Variants in KLF12 observed in about 807,000 individuals in gnomAD.
KLF12 encodes Krueppel-like factor 12.
KLF12 carries 9 observed loss-of-function variants against 37.8 expected under a neutral mutation model. The observed-to-expected ratio is 0.24, with a 90% CI of 0.14 to 0.42. The LOEUF is 0.42. Ranked by LOEUF, KLF12 falls within the 10% of genes least tolerant of loss-of-function variation. The probability of loss-of-function intolerance (pLI) is 1.00; values close to 1 mark genes in which losing one functional copy is unlikely to be tolerated. For synonymous variants in KLF12, 208 were observed against 202.1 expected (o/e 1.03, Z -0.25); for missense variants, 411 against 516.0 (o/e 0.80, Z 1.97).
At chr13:73,770,957 A>C (rs1406709664) in intron 5 of KLF12, among the ~76,000 whole-genome samples, 2 of 152,200 alleles carry the variant, frequency 1.3e-5, no homozygotes, top group Non-Finnish European at 2.9e-5. Context: ...CACCAACAGA[A>C]TGAGGAATTC....
rs71115634 is a variant in KLF12, at chr13:74,068,558, C to CTT, written c.-32+65179_-32+65180dup. ...TGTTATGTTCAAATAAAATTTTTTT[C>CTT]TTTTTTTTTTTTTTTTGAGACTGAG... is the stretch of plus-strand genomic sequence containing the variant. On this transcript the variant is annotated intron_variant, in intron 1 of 7. Coordinates refer to ENST00000377669, the MANE Select transcript of KLF12 (RefSeq NM_007249.5). Among the ~76,000 whole-genome samples the CTT allele has an allele frequency of 4.6e-3, 618 of 135,130 alleles. 5 individuals are homozygous for CTT. The highest frequency in any genetic ancestry group is 6.5e-3 in the Admixed American group (87 of 13,366). The allele number at this position is 135,130 out of a possible 152,430, so 88.7% of individuals were successfully genotyped here. A position where few individuals can be genotyped will look rare whatever the true frequency, so the allele number is the denominator to read the frequency against.
chr13:74,044,351 C>T (rs1007470620), intron 1 of KLF12, among the ~76,000 whole-genome samples: 1 of 152,082 alleles, frequency 6.6e-6, no homozygotes, highest in Admixed American at 6.5e-5. Context: ...GTTTCTAATA[C>T]CATTTGTCAA....
chr13:73,994,179 G>T (rs1892044123), intron 2 of KLF12, among the ~76,000 whole-genome samples: 1 of 152,156 alleles, frequency 6.6e-6, no homozygotes, highest in African/African-American at 2.4e-5. Context: ...GGCAGAAAAA[G>T]ACATAGCAAG....
At chr13:74,095,902 C>T (rs1875956195) in intron 1 of KLF12, among the ~76,000 whole-genome samples, 1 of 152,150 alleles carries the variant, frequency 6.6e-6, no homozygotes, top group South Asian at 2.1e-4. Context: ...ATTTCAATAA[C>T]ATCAAGGACC....
rs541593650 is a variant in KLF12, at chr13:73,969,012, T to C, written c.34-24942A>G. Among the ~76,000 whole-genome samples the C allele has an allele frequency of 3.7e-3, 475 of 129,978 alleles. 5 individuals carry two copies. The highest frequency in any genetic ancestry group is 0.013 in the African/African-American group (446 of 34,312). The allele number at this position is 129,978 out of a possible 152,430, so 85.3% of individuals were successfully genotyped here. A position where few individuals can be genotyped will look rare whatever the true frequency, so the allele number is the denominator to read the frequency against. On this transcript the variant is annotated intron_variant, in intron 2 of 7. Coordinates refer to ENST00000377669, the MANE Select transcript of KLF12 (RefSeq NM_007249.5). ...ATTGCCTCCTCATCTCACATCTCTC[T>C]CCCTTACCCCATACTTTAAAAAAAA...
chr13:74,260,564 TA>T, the KLF12 span, among the ~76,000 whole-genome samples: 8 of 86,924 alleles, frequency 9.2e-5, no homozygotes, highest in African/African-American at 7.1e-4. Context: ...TAAAATAAAA[TA>T]AAATAAAATA....
intron 1 of KLF12, among the ~76,000 whole-genome samples, chr13:74,047,358 G>A (rs1390507592): frequency 6.6e-5 from 10 of 151,952 alleles, no homozygotes; most frequent in African/African-American, 2.2e-4. Context: ...TTGGGAGGCC[G>A]AGGCAGGCAG....
At chr13:73,864,351 A>C (rs1006593598) in intron 3 of KLF12, among the ~76,000 whole-genome samples, 3 of 152,146 alleles carry the variant, frequency 2.0e-5, no homozygotes, top group Non-Finnish European at 4.4e-5. Flanking sequence ...AGATTTAAGG[A>C]TTTAACAAAC....
rs8000317 is a variant in KLF12 at position 73,693,342 on chromosome 13, C to G, written c.*2148G>C. 6.6e-6 allele frequency: 1 copy of G among 152,140 alleles called. No individual in the cohort carries two copies. The highest frequency in any genetic ancestry group is 6.6e-5 in the Admixed American group (1 of 15,266). 9.4% of individuals were successfully genotyped at this position (152,140 alleles called of 1,614,324 possible). A position where few individuals can be genotyped will look rare whatever the true frequency, so the allele number is the denominator to read the frequency against. ...CTTTCCAGGTGCTAAAAAAAACCCA[C>G]TGGTTGATGAGTAGTAGACTGTGCA... On this transcript the variant is annotated 3_prime_UTR_variant, in exon 8 of 8. Transcript: ENST00000377669.
intron 2 of KLF12, among the ~76,000 whole-genome samples, chr13:73,964,531 A>G (rs942445490): frequency 6.6e-5 from 10 of 150,858 alleles, no homozygotes; most frequent in African/African-American, 2.4e-4. Flanking sequence ...GCACTTCGGG[A>G]GGCCAAGGCG....
intron 1 of KLF12, among the ~76,000 whole-genome samples, chr13:74,102,424 G>A (rs898617602): frequency 3.3e-5 from 5 of 151,430 alleles, no homozygotes; most frequent in African/African-American, 4.9e-5. Context: ...TTGGCTGGGC[G>A]CAGTGGCTCA....
chr13:73,848,111 C>T (rs959597400), intron 3 of KLF12, among the ~76,000 whole-genome samples: 1 of 152,136 alleles, frequency 6.6e-6, no homozygotes, highest in Non-Finnish European at 1.5e-5. Context: ...GTAAGTTTTT[C>T]TCCTTTTACC....
intron 1 of KLF12, among the ~76,000 whole-genome samples, chr13:74,098,323 A>G (rs953646517): frequency 6.6e-6 from 1 of 152,178 alleles, no homozygotes; most frequent in Non-Finnish European, 1.5e-5. Context: ...CTCCTGACAA[A>G]AGCCTGGTAC....
At chr13:74,238,069 T>A in the KLF12 span, among the ~76,000 whole-genome samples, 2 of 140,532 alleles carry the variant, frequency 1.4e-5, no homozygotes, top group Non-Finnish European at 3.0e-5. Context: ...TGATATTGGC[T>A]GTGGGTTTGT....
At chr13:73,994,327 TAG>T (rs936962409) in intron 2 of KLF12, among the ~76,000 whole-genome samples, 1 of 152,134 alleles carries the variant, frequency 6.6e-6, no homozygotes, top group Non-Finnish European at 1.5e-5. Flanking sequence ...ACTTACGAAA[TAG>T]AGATGGTTTA....
At chr13:74,189,933 T>A in the KLF12 span, among the ~76,000 whole-genome samples, 1 of 152,048 alleles carries the variant, frequency 6.6e-6, no homozygotes, top group Non-Finnish European at 1.5e-5. Context: ...GAATGTCCAC[T>A]TTTTTTTCTT....
chr13:73,831,863 G>T (rs1884180242), intron 4 of KLF12, among the ~76,000 whole-genome samples: 2 of 152,178 alleles, frequency 1.3e-5, no homozygotes, highest in Admixed American at 1.3e-4. Flanking sequence ...ACAAAATTTT[G>T]TGACTATTGG....
intron 5 of KLF12, among the ~76,000 whole-genome samples, chr13:73,784,695 A>G (rs1054623003): frequency 3.4e-5 from 5 of 147,654 alleles, no homozygotes; most frequent in Non-Finnish European, 5.9e-5. Flanking sequence ...CAGTGGCACG[A>G]TCTAGGCTCA....
Position 73,699,380 on chromosome 13 carries a change from C to T in KLF12, c.1028-3709G>A, listed in dbSNP as rs559265273. Among the ~76,000 whole-genome samples the T allele has an allele frequency of 6.6e-5, 10 of 151,650 alleles. 1 individual carries two copies. The highest frequency in any genetic ancestry group is 6.3e-4 in the South Asian group (3 of 4,786). ...CAGCCTGTGTGACCAGGCAAGACCC[C>T]GCCTCCAAAATATAAAAATAAATAA... On this transcript the variant is annotated intron_variant, in intron 7 of 7. Transcript: ENST00000377669.
Sources: allele counts gnomAD v4.1 joint callset (sites outside exome capture counted in the v4.1 genomes callset), GRCh38; gene constraint gnomAD v4.1.1; transcripts MANE v1.5; gene names NCBI Gene and HGNC (gene_info 2026-07-23, HGNC 2026-07-21).